The following IQGAP1 variants were observed in gnomAD, a reference collection of about 807,000 sequenced individuals.
IQGAP1 encodes IQ motif containing GTPase activating protein 1.
Under a neutral mutation model 215.6 loss-of-function variants are expected in IQGAP1, and 66 were observed. The ratio of observed to expected loss-of-function variants is 0.31; its 90% CI spans 0.25 to 0.38. The LOEUF (loss-of-function observed/expected upper bound fraction) is 0.38, where lower values mean the gene tolerates loss of function less well. Ranked by LOEUF, IQGAP1 falls within the 10% of genes least tolerant of loss-of-function variation. The probability of loss-of-function intolerance (pLI) is 1.00; values close to 1 mark genes in which losing one functional copy is unlikely to be tolerated. For synonymous variants in IQGAP1, 772 were observed against 728.7 expected, an observed-to-expected ratio of 1.06 and a Z score of -0.96; for missense variants, 1,712 against 1,997.1, an observed-to-expected ratio of 0.86 and a Z score of 2.72.
intron 9 of IQGAP1, among the ~76,000 whole-genome samples, chr15:90,446,587 G>A (rs1965530400): frequency 6.6e-6 from 1 of 152,148 alleles, no homozygotes; most frequent in African/African-American, 2.4e-5. Context: ...CCTATAAAAG[G>A]ACAGTCTTTT....
intron 9 of IQGAP1, among the ~76,000 whole-genome samples, 196 bp from the exon 10 acceptor site, chr15:90,448,377 G>T (rs998723865): frequency 2.0e-5 from 3 of 152,136 alleles, no homozygotes; most frequent in Non-Finnish European, 4.4e-5. Context: ...TGAATAGCTT[G>T]TTGGGAACCC....
chr15:90,426,013 A>T, intron 2 of IQGAP1, 97 bp from the exon 3 acceptor site: 1 of 1,175,258 alleles, frequency 8.5e-7, no homozygotes, highest in Non-Finnish European at 1.2e-6. Context: ...TGTTCAGTTT[A>T]AGCTTCTCCA....
At chr15:90,443,341 G>A (rs1386790460) in intron 8 of IQGAP1, 53 bp from the exon 9 acceptor site, 1 of 1,092,008 alleles carries the variant, frequency 9.2e-7, no homozygotes, top group Non-Finnish European at 1.4e-6. Flanking sequence ...GTATTTATGT[G>A]GTCTTCTTAG....
At chr15:90,471,145 A>G (rs1328125191) in intron 18 of IQGAP1, among the ~76,000 whole-genome samples, 2 of 152,150 alleles carry the variant, frequency 1.3e-5, no homozygotes, top group East Asian at 3.9e-4. Context: ...TTAACAGGAA[A>G]AAACCAGAGG....
intron 22 of IQGAP1, 93 bp downstream of exon 22, chr15:90,474,226 G>A (rs541019771): frequency 1.1e-5 from 13 of 1,160,050 alleles, no homozygotes; most frequent in Middle Eastern, 2.1e-4. Context: ...TTATCCTGAA[G>A]GCAAGGCTTG....
intron 23 of IQGAP1, among the ~76,000 whole-genome samples, chr15:90,476,280 ACTATGATTTACCTCTTTTT>A (rs1965978480): frequency 6.6e-6 from 1 of 152,158 alleles, no homozygotes; most frequent in South Asian, 2.1e-4. Context: ...TAGAAGATAT[ACTATGATTTACCTCTTTTT>A]CCCCTAGTAT....
intron 2 of IQGAP1, among the ~76,000 whole-genome samples, chr15:90,399,736 C>T (rs1452530349): frequency 1.3e-5 from 2 of 152,134 alleles, no homozygotes; most frequent in Non-Finnish European, 2.9e-5. Context: ...TTATCCCGAA[C>T]TTCTGGCCTT....
chr15:90,439,234 AATACTTCTATTTT>A, intron 5 of IQGAP1, 85 bp from the exon 6 acceptor site: 3 of 788,912 alleles, frequency 3.8e-6, no homozygotes, highest in Non-Finnish European at 6.4e-6. Flanking sequence ...CAGTGTTCAG[AATACTTCTATTTT>A]ATACTTCATG....
chr15:90,416,737 C>T (rs2151009849), intron 2 of IQGAP1, among the ~76,000 whole-genome samples: 1 of 152,212 alleles, frequency 6.6e-6, no homozygotes, highest in South Asian at 2.1e-4. Flanking sequence ...GCCACCACGC[C>T]CAGCTAATTT....
At chr15:90,391,079 A>T in intron 2 of IQGAP1, 2 of 444,964 alleles carry the variant, frequency 4.5e-6, no homozygotes, top group Non-Finnish European at 4.2e-6. Context: ...CTACAAAAAA[A>T]TTTTAAAAAT....
chr15:90,457,269 T>G (rs1247648055), intron 15 of IQGAP1, among the ~76,000 whole-genome samples: 3 of 152,140 alleles, frequency 2.0e-5, no homozygotes, highest in Non-Finnish European at 4.4e-5. Flanking sequence ...GTCTGGCTTC[T>G]GTTGCCCTAA....
At chr15:90,466,542 A>G (rs1466412507) in intron 17 of IQGAP1, 106 bp downstream of exon 17, 3 of 1,053,978 alleles carry the variant, frequency 2.8e-6, no homozygotes, top group African/African-American at 3.2e-5. Context: ...CTTTTAGCAT[A>G]GATGTACAGT....
intron 2 of IQGAP1, among the ~76,000 whole-genome samples, chr15:90,416,540 A>C (rs1198681191): frequency 6.8e-6 from 1 of 147,052 alleles, no homozygotes; most frequent in South Asian, 2.1e-4. Flanking sequence ...AAGTGTTCCT[A>C]TTTCTCCACA....
chr15:90,425,761 C>A (rs180696405), intron 2 of IQGAP1, among the ~76,000 whole-genome samples: 1 of 152,270 alleles, frequency 6.6e-6, no homozygotes, highest in Non-Finnish European at 1.5e-5. Flanking sequence ...CTTCAGTTAC[C>A]AATGGCTTTT....
intron 26 of IQGAP1, 44 bp from the exon 27 acceptor site, chr15:90,481,916 G>C: frequency 6.2e-7 from 1 of 1,606,750 alleles, no homozygotes; most frequent in Non-Finnish European, 8.5e-7. Flanking sequence ...GGCTGTTCCT[G>C]GCTGTTAGTC....
intron 15 of IQGAP1, 104 bp from the exon 16 acceptor site, chr15:90,465,897 T>G: frequency 1.1e-6 from 1 of 884,070 alleles, no homozygotes; most frequent in Non-Finnish European, 1.9e-6. Context: ...TTTTTAAGCC[T>G]GTTCTTCCAT....
intron 26 of IQGAP1, among the ~76,000 whole-genome samples, chr15:90,481,331 A>T (rs1966056481): frequency 7.3e-6 from 1 of 136,410 alleles, no homozygotes; most frequent in Admixed American, 8.0e-5. Flanking sequence ...CTCCCACCTC[A>T]GCCTTCCTAG....
chr15:90,413,023 G>A (rs1413029489), intron 2 of IQGAP1, among the ~76,000 whole-genome samples: 2 of 152,062 alleles, frequency 1.3e-5, no homozygotes, highest in Non-Finnish European at 2.9e-5. Flanking sequence ...TCTTAGTCTG[G>A]GCTTGTTTTA....
chr15:90,413,044 C>T (rs1289510647), intron 2 of IQGAP1, among the ~76,000 whole-genome samples: 1 of 152,150 alleles, frequency 6.6e-6, no homozygotes, highest in Admixed American at 6.6e-5. Context: ...AGGTTTACCA[C>T]AGTAGAGTTC....
Sources: gnomAD v4.1 joint callset for allele counts (sites outside exome capture counted in the v4.1 genomes callset) on GRCh38, gnomAD v4.1.1 for gene constraint, MANE v1.5 for transcripts, NCBI Gene and HGNC (gene_info 2026-07-23, HGNC 2026-07-21) for gene names.